The following SLC9A1 variants were observed in gnomAD, a reference collection of about 807,000 sequenced individuals.
SLC9A1 encodes sodium/hydrogen exchanger 1.
In SLC9A1, 22 loss-of-function variants were observed where a neutral mutation model predicts 67.9. That is an observed-to-expected ratio of 0.32 (90% CI 0.23 to 0.46). The LOEUF is 0.46. Among genes scored for constraint, SLC9A1 ranks in the 20% least tolerant of loss-of-function variants. The pLI, the probability that SLC9A1 is intolerant of heterozygous loss-of-function variation, is 1.00. For missense variants in SLC9A1, 686 were observed against 1,094.8 expected, an observed-to-expected ratio of 0.63 and a Z score of 5.27; for synonymous variants, 421 against 471.8, an observed-to-expected ratio of 0.89 and a Z score of 1.40.
intron 1 of SLC9A1, among the ~76,000 whole-genome samples, chr1:27,140,241 C>A (rs796863655): frequency 6.6e-6 from 1 of 152,166 alleles, no homozygotes; most frequent in South Asian, 2.1e-4. Flanking sequence ...TGCCTGTTTA[C>A]ATGCCAGCCT....
intron 3 of SLC9A1, 80 bp from the exon 4 acceptor site, chr1:27,107,945 G>A (rs2083201212): frequency 2.8e-6 from 3 of 1,064,874 alleles, no homozygotes; most frequent in Non-Finnish European, 4.2e-6. Context: ...GGGCAATGGG[G>A]CCACGACCAA....
intron 1 of SLC9A1, among the ~76,000 whole-genome samples, chr1:27,145,154 G>A (rs553511607): frequency 1.3e-5 from 2 of 151,148 alleles, no homozygotes; most frequent in Admixed American, 6.6e-5. Flanking sequence ...TTGGTACTAA[G>A]TATAGCCTGC....
intron 1 of SLC9A1, among the ~76,000 whole-genome samples, chr1:27,133,009 G>C (rs2083396464): frequency 6.6e-6 from 1 of 152,108 alleles, no homozygotes; most frequent in South Asian, 2.1e-4. Flanking sequence ...TGCTTCCTGG[G>C]AGGGAGCAGG....
intron 1 of SLC9A1, among the ~76,000 whole-genome samples, chr1:27,115,748 G>C (rs530159290): frequency 2.4e-4 from 36 of 151,194 alleles, no homozygotes; most frequent in African/African-American, 8.5e-4. Flanking sequence ...AAAAAAAAAA[G>C]AAAGAAGAAA....
intron 1 of SLC9A1, among the ~76,000 whole-genome samples, chr1:27,135,201 C>T (rs1221247923): frequency 6.6e-6 from 1 of 152,006 alleles, no homozygotes; most frequent in Non-Finnish European, 1.5e-5. Context: ...AGGCCTGTGC[C>T]ACCATGCCCT....
Position 27,154,449 on chromosome 1 carries a change from T to A in SLC9A1, c.-115A>T, listed in dbSNP as rs898512098. ...GACTGGCGTAGTCTCTAGGAAAAGTTCATGTTTTAGAGAGGCATTTCCATG... is the reference window on the plus strand; with the variant it reads ...GACTGGCGTAGTCTCTAGGAAAAGTACATGTTTTAGAGAGGCATTTCCATG... On this transcript the variant is annotated 5_prime_UTR_variant, in exon 1 of 12. Coordinates refer to ENST00000263980, the MANE Select transcript of SLC9A1 (RefSeq NM_003047.5). The A allele has an allele frequency of 4.7e-6, 3 of 635,478 alleles. No individual in the cohort carries two copies. Among genetic ancestry groups the A allele is most frequent in the Non-Finnish European group, 7.7e-6 (3 of 392,044 alleles). The allele number at this position is 635,478 out of a possible 1,614,324, so 39.4% of individuals were successfully genotyped here.
chr1:27,120,154 G>T (rs1470506565), intron 1 of SLC9A1, among the ~76,000 whole-genome samples: 10 of 150,814 alleles, frequency 6.6e-5, no homozygotes, highest in African/African-American at 1.2e-4. Flanking sequence ...TTTGTTTTGG[G>T]GGGGCGGAGT....
chr1:27,111,485 T>TTAC lies in SLC9A1; in HGVS notation c.814-1711_814-1709dup, dbSNP rs148543467. ...ATATAACTGTGTCAACCTCATGGAG[T>TTAC]TACTGTATAGATTAAATGAGGCAAC... is the stretch of plus-strand genomic sequence containing the variant. On this transcript the variant is annotated intron_variant, in intron 2 of 11. Transcript: ENST00000263980. 5.8e-3 allele frequency among the ~76,000 whole-genome samples: 884 copies of TTAC among 151,986 alleles called. 11 individuals carry two copies. The highest frequency in any genetic ancestry group is 0.02 in the African/African-American group (830 of 41,426).
chr1:27,147,174 C>G (rs941178018), intron 1 of SLC9A1, among the ~76,000 whole-genome samples: 1 of 151,734 alleles, frequency 6.6e-6, no homozygotes, highest in Non-Finnish European at 1.5e-5. Context: ...ATGGTTGGTG[C>G]CTGTAATCCC....
chr1:27,133,765 A>AT lies in SLC9A1; in HGVS notation c.353-19480dup, dbSNP rs996909009. Among the ~76,000 whole-genome samples, 854 of 138,536 alleles carry AT rather than the reference A, an allele frequency of 6.2e-3. 5 individuals are homozygous for AT. The highest frequency in any genetic ancestry group is 7.3e-3 in the Middle Eastern group (2 of 274). 90.9% of individuals were successfully genotyped at this position (138,536 alleles called of 152,430 possible). ...GGAGAGAAGAACTGGAGCCCTGGTA[A>AT]TTTTTTTTTTTTTTTTTGGGACAGA... On this transcript the variant is annotated intron_variant, in intron 1 of 11. Transcript: ENST00000263980.
intron 1 of SLC9A1, among the ~76,000 whole-genome samples, chr1:27,115,540 A>C (rs2083266723): frequency 6.6e-6 from 1 of 152,070 alleles, no homozygotes; most frequent in Admixed American, 6.5e-5. Flanking sequence ...CTGGCCTGGC[A>C]TGGTGGCTCA....
chr1:27,105,026 C>G (rs1458321973), intron 5 of SLC9A1, among the ~76,000 whole-genome samples: 1 of 152,134 alleles, frequency 6.6e-6, no homozygotes, highest in Non-Finnish European at 1.5e-5. Context: ...AATCATCTCG[C>G]CTGGTTCCCT....
At chr1:27,131,947 A>AAAAAAAAAAAAAT in intron 1 of SLC9A1, among the ~76,000 whole-genome samples, 10 of 52,122 alleles carry the variant, frequency 1.9e-4, no homozygotes, top group Admixed American at 6.1e-4. Context: ...AGAAAAAAAA[A>AAAAAAAAAAAAAT]ATATATATAT....
intron 2 of SLC9A1, 94 bp downstream of exon 2, chr1:27,113,732 T>G: frequency 2.1e-6 from 2 of 951,076 alleles, no homozygotes; most frequent in Non-Finnish European, 3.3e-6. Context: ...GCTGTTTTTA[T>G]TACTGTTATT....
At chr1:27,112,883 C>CAAA (rs58540104) in intron 2 of SLC9A1, among the ~76,000 whole-genome samples, 7 of 41,438 alleles carry the variant, frequency 1.7e-4, no homozygotes, top group Admixed American at 2.4e-4. Flanking sequence ...GACTCCATCT[C>CAAA]AAAAAAAAAA....
intron 1 of SLC9A1, among the ~76,000 whole-genome samples, chr1:27,147,305 AAAAAAAAAAAAAAAAAG>A (rs1164840546): frequency 6.7e-6 from 1 of 148,844 alleles, no homozygotes; most frequent in African/African-American, 2.5e-5. Context: ...GTCTCAAAAA[AAAAAAAAAAAAAAAAAG>A]AAAAGAAAAA....
intron 1 of SLC9A1, among the ~76,000 whole-genome samples, chr1:27,145,895 G>A (rs1460201056): frequency 6.6e-6 from 1 of 152,136 alleles, no homozygotes; most frequent in Non-Finnish European, 1.5e-5. Flanking sequence ...AGGGAAGGCG[G>A]GCAGCCCACT....
intron 1 of SLC9A1, among the ~76,000 whole-genome samples, chr1:27,142,898 C>T (rs2083461136): frequency 6.6e-6 from 1 of 152,016 alleles, no homozygotes; most frequent in Non-Finnish European, 1.5e-5. Flanking sequence ...ACAGGCAAAC[C>T]CCACTCATCC....
At chr1:27,128,431 G>A (rs1228100683) in intron 1 of SLC9A1, among the ~76,000 whole-genome samples, 1 of 152,104 alleles carries the variant, frequency 6.6e-6, no homozygotes, top group East Asian at 1.9e-4. Flanking sequence ...CGAGGCGAGA[G>A]GATCACTTGA....
Sources: allele counts gnomAD v4.1 joint callset (sites outside exome capture counted in the v4.1 genomes callset), GRCh38; gene constraint gnomAD v4.1.1; transcripts MANE v1.5; gene names NCBI Gene and HGNC (gene_info 2026-07-23, HGNC 2026-07-21).